Variants in GRAMD4 observed in about 807,000 individuals in gnomAD.
The protein encoded by GRAMD4 is GRAM domain-containing protein 4.
In GRAMD4, 25 loss-of-function variants were observed where a neutral mutation model predicts 83.9. The observed-to-expected ratio is 0.30, with a 90% CI of 0.22 to 0.42. The LOEUF (loss-of-function observed/expected upper bound fraction) is 0.42, where lower values mean the gene tolerates loss of function less well. Among genes scored for constraint, GRAMD4 ranks in the 10% least tolerant of loss-of-function variants. GRAMD4 has a pLI of 1.00. For missense variants in GRAMD4, 593 were observed against 788.7 expected (o/e 0.75, Z 2.97); for synonymous variants, 336 against 320.9 (o/e 1.05, Z -0.50).
At chr22:46,592,529 G>GT (rs1415863832) in intron 1 of GRAMD4, among the ~76,000 whole-genome samples, 2 of 152,122 alleles carry the variant, frequency 1.3e-5, no homozygotes, top group African/African-American at 4.8e-5. Context: ...TGGCTGTGTG[G>GT]TGAACTCAGT....
chr22:46,672,858 T>A lies in GRAMD4; in HGVS notation c.1100T>A (p.Ile367Asn). 6.2e-7 allele frequency: 1 copy of A among 1,612,784 alleles called. No homozygotes were observed. The highest frequency in any genetic ancestry group is 8.5e-7 in the Non-Finnish European group (1 of 1,179,536). Residue 367 changes from isoleucine (I) to asparagine (N), a missense_variant, in exon 14 of 19, where the codon ATC becomes AAC. Physicochemically the swap from Ile to Asn is moderately radical, Grantham distance 149. Around this residue, in one of 4 missense-constraint regions of GRAMD4, gnomAD observed 171 missense variants for 199.6 expected, o/e 0.86. Transcript: ENST00000406902. This position sits in a 1 kb window ranked among gnomAD's most constrained non-coding sequence, Gnocchi z 4.7. ...VGLAVGLYAG[I>N]KFFLIDFIFK... ...CTGCCCTCAGGACTCTATGCTGGTA[T>A]CAAGTTCTTCCTCATTGATTTCATC...
chr22:46,617,781 G>T (rs952106402), upstream of GRAMD4, among the ~76,000 whole-genome samples: 3 of 152,178 alleles, frequency 2.0e-5, no homozygotes, highest in Non-Finnish European at 4.4e-5. Flanking sequence ...TGGCCCCCCT[G>T]GGTGGCTTCC....
intron 1 of GRAMD4, among the ~76,000 whole-genome samples, chr22:46,580,999 A>G (rs1313250910): frequency 6.6e-6 from 1 of 151,876 alleles, no homozygotes; most frequent in Admixed American, 6.6e-5. Flanking sequence ...GAAAGAAAAA[A>G]GAAAATGCGT....
At chr22:46,619,190 C>T (rs1398627107), upstream of GRAMD4, among the ~76,000 whole-genome samples, 3 of 152,270 alleles carry the variant, frequency 2.0e-5, no homozygotes, top group Non-Finnish European at 2.9e-5. Context: ...TGGCCAAGGT[C>T]GGGCACGGGC....
In GRAMD4 at chr22:46,676,737, G is replaced by A. The variant is rs558183729; in HGVS notation, c.1632+69G>A. 8.9e-5 allele frequency: 120 copies of A among 1,354,638 alleles called. No individual in the cohort carries two copies. The Middle Eastern group carries it at 1.7e-3, about 20-fold the overall frequency. The allele number at this position is 1,354,638 out of a possible 1,614,324, so 83.9% of individuals were successfully genotyped here. ...AGGGGCCTGACTCTGAGCAACCCTG[G>A]GACCAGCGTGGGGCAGACAGCCAGA... On this transcript the variant is annotated intron_variant, in intron 18 of 18. Coordinates refer to ENST00000406902, the MANE Select transcript of GRAMD4 (RefSeq NM_015124.5).
rs139519863 is a variant in GRAMD4, at chr22:46,675,113, G to A, written c.1479-355G>A. Among the ~76,000 whole-genome samples the A allele has an allele frequency of 2.4e-4, 36 of 152,330 alleles. No homozygotes were observed. In the East Asian group the frequency reaches 6.2e-3, roughly 26 times the overall value. On this transcript the variant is annotated intron_variant, in intron 16 of 18. Coordinates refer to ENST00000406902, the MANE Select transcript of GRAMD4 (RefSeq NM_015124.5). ...GAGTGCCTCATGCAGAGCAGTGGCC[G>A]TGAGTGTCTCACTCAGAGCAGTGGC...
intron 8 of GRAMD4, 55 bp from the exon 9 acceptor site, chr22:46,665,560 G>T (rs1386987926): frequency 3.1e-6 from 3 of 981,288 alleles, no homozygotes; most frequent in Non-Finnish European, 4.9e-6. Context: ...GGAGGGATGT[G>T]CCTTGTCCTG....
chr22:46,623,113 C>T (rs868094156), intron 1 of GRAMD4, among the ~76,000 whole-genome samples: 1 of 152,234 alleles, frequency 6.6e-6, no homozygotes, highest in African/African-American at 2.4e-5. Context: ...CACCTGTTTG[C>T]CATAACGACA....
At chr22:46,651,984 G>A (rs1313149962) in intron 3 of GRAMD4, among the ~76,000 whole-genome samples, 1 of 152,154 alleles carries the variant, frequency 6.6e-6, no homozygotes, top group African/African-American at 2.4e-5. Flanking sequence ...GCCGGGCCAG[G>A]TGGAAGGAAG....
At chr22:46,582,596 C>G (rs2081108928) in intron 1 of GRAMD4, among the ~76,000 whole-genome samples, 1 of 152,164 alleles carries the variant, frequency 6.6e-6, no homozygotes, top group Non-Finnish European at 1.5e-5. Context: ...CCTCATTATG[C>G]CTGGTATCCT....
At chr22:46,591,832 C>CAA (rs34868206) in intron 1 of GRAMD4, among the ~76,000 whole-genome samples, 9,368 of 37,424 alleles carry the variant, frequency 0.25, 1,326 homozygotes, top group African/African-American at 0.32. Flanking sequence ...GACTCTGTCT[C>CAA]AAAAAAAAAA....
rs2081582518 is a variant in GRAMD4 at position 46,621,954 on chromosome 22, T to C, written c.-50+1389T>C. Among the ~76,000 whole-genome samples the C allele has an allele frequency of 6.6e-6, 1 of 152,146 alleles. No homozygotes were observed. The highest frequency in any genetic ancestry group is 2.4e-5 in the African/African-American group (1 of 41,416). ...GTCAGTGGGGCTGAGAGCAGGGTCG[T>C]CTAGGACCCTGATGTGTGGACGCCC... On this transcript the variant is annotated intron_variant, in intron 1 of 18. Transcript: ENST00000406902. This position sits in a 1 kb window ranked among gnomAD's most constrained non-coding sequence, Gnocchi z 5.8.
At position 46,630,865 on chromosome 22, in the gene GRAMD4, C is replaced by CT. The variant is rs148827605; in HGVS notation, c.162+3904_162+3905insT. Reference sequence around the variant, plus strand: ...CAGCTGTGCGGTGTGCCCTCCATAGCCCCCCGAGGGCCGTGTGCCCTCACC... The same window carrying CT: ...CAGCTGTGCGGTGTGCCCTCCATAGCTCCCCCGAGGGCCGTGTGCCCTCACC... On this transcript the variant is annotated intron_variant, in intron 2 of 18. Coordinates refer to ENST00000406902, the MANE Select transcript of GRAMD4 (RefSeq NM_015124.5). Among the ~76,000 whole-genome samples, 234 of 88,580 alleles carry CT rather than the reference C, an allele frequency of 2.6e-3. 7 individuals are homozygous for CT. Among genetic ancestry groups the CT allele is most frequent in the South Asian group, 3.8e-3 (11 of 2,868 alleles). The allele number at this position is 88,580 out of a possible 152,430, so 58.1% of individuals were successfully genotyped here.
chr22:46,663,587 CAGG>C (rs1046186652), intron 6 of GRAMD4, among the ~76,000 whole-genome samples: 1 of 152,238 alleles, frequency 6.6e-6, no homozygotes, highest in Non-Finnish European at 1.5e-5. Context: ...GGGACACAGG[CAGG>C]AGATGAGGGG....
chr22:46,625,368 G>A (rs975381797), intron 1 of GRAMD4, among the ~76,000 whole-genome samples: 3 of 152,200 alleles, frequency 2.0e-5, no homozygotes, highest in Admixed American at 6.5e-5. Flanking sequence ...CTTTGGGGGC[G>A]GGGCAGGCAT....
chr22:46,621,280 G>GTGC lies in GRAMD4; in HGVS notation c.-50+718_-50+720dup, dbSNP rs1265240794. Among the ~76,000 whole-genome samples the GTGC allele has an allele frequency of 6.6e-6, 1 of 152,164 alleles. No homozygotes were observed. The highest frequency in any genetic ancestry group is 1.5e-5 in the Non-Finnish European group (1 of 68,014). On this transcript the variant is annotated intron_variant, in intron 1 of 18. Coordinates refer to ENST00000406902, the MANE Select transcript of GRAMD4 (RefSeq NM_015124.5). This position sits in a 1 kb window ranked among gnomAD's most constrained non-coding sequence, Gnocchi z 5.8. Reference sequence around the variant, plus strand: ...GTTCCTGCATCTGTAAGTTGGGCGTGTGCTGGGTAATAGTGTCCTCCCCCA... The same window carrying GTGC: ...GTTCCTGCATCTGTAAGTTGGGCGTGTGCTGCTGGGTAATAGTGTCCTCCCCCA...
At chr22:46,650,388 C>T (rs182483534) in intron 3 of GRAMD4, among the ~76,000 whole-genome samples, 7 of 142,888 alleles carry the variant, frequency 4.9e-5, no homozygotes, top group South Asian at 4.4e-4. Flanking sequence ...GGCTGGGCGT[C>T]GAGGCTGGGA....
chr22:46,597,058 C>G (rs761723756), intron 1 of GRAMD4, among the ~76,000 whole-genome samples: 1 of 152,142 alleles, frequency 6.6e-6, no homozygotes, highest in African/African-American at 2.4e-5. Context: ...CGCCTGCTTT[C>G]GATAAGTCCT....
rs756330126 is a variant in GRAMD4, at chr22:46,664,064, C to G, written c.664C>G (p.Leu222Val). Residue 222 changes from leucine (L) to valine (V), a missense_variant, in exon 8 of 19, where the codon CTC becomes GTC. Physicochemically the swap from Leu to Val is conservative, Grantham distance 32. Around this residue, in one of 4 missense-constraint regions of GRAMD4, gnomAD observed 312 missense variants for 350.7 expected, o/e 0.89. Coordinates refer to ENST00000406902, the MANE Select transcript of GRAMD4 (RefSeq NM_015124.5). ...AKPVTNFVKN[L>V]SALSDWYSVY... The stretch of plus-strand genomic sequence containing the variant: ...GCCGGTCACTAACTTTGTGAAGAAC[C>G]TCTCTGCCTTATCCGACTGGTACTC... The G allele has an allele frequency of 1.5e-5, 25 of 1,613,504 alleles. No individual in the cohort carries two copies. The highest frequency in any genetic ancestry group is 2.0e-5 in the Non-Finnish European group (24 of 1,179,932).
Sources: gnomAD v4.1 joint callset for allele counts (sites outside exome capture counted in the v4.1 genomes callset) on GRCh38, gnomAD v4.1.1 for gene constraint, gnomAD v4.1.1 regional missense constraint, Gnocchi (gnomAD v3.1) non-coding constraint, MANE v1.5 for transcripts, NCBI Gene and HGNC (gene_info 2026-07-23, HGNC 2026-07-21) for gene names.